The following ARHGEF3 variants were observed in gnomAD, a reference collection of about 807,000 sequenced individuals.
ARHGEF3 encodes the protein Rho guanine nucleotide exchange factor 3, also known as 59.8 kDA protein.
In ARHGEF3, 28 loss-of-function variants were observed where a neutral mutation model predicts 63.2. The observed-to-expected ratio is 0.44, with a 90% CI of 0.33 to 0.61. The LOEUF (loss-of-function observed/expected upper bound fraction) is 0.61. Ranked by LOEUF, ARHGEF3 falls within the 20% of genes least tolerant of loss-of-function variation. ARHGEF3 has a pLI of 0.03. For synonymous variants in ARHGEF3, 266 were observed against 254.2 expected (o/e 1.05, Z -0.44); for missense variants, 533 against 659.3 (o/e 0.81, Z 2.10).
intron 2 of ARHGEF3, among the ~76,000 whole-genome samples, chr3:57,004,141 T>TGCCCTCA (rs1474013380): frequency 2.6e-5 from 4 of 152,044 alleles, no homozygotes; most frequent in African/African-American, 9.7e-5. Context: ...CCCAGTGAGG[T>TGCCCTCA]GCTGTGCGAA....
At chr3:56,989,907 A>C (rs945803713) in intron 2 of ARHGEF3, among the ~76,000 whole-genome samples, 5 of 152,224 alleles carry the variant, frequency 3.3e-5, no homozygotes, top group Non-Finnish European at 5.9e-5. Context: ...GGGAGCCGCT[A>C]TTTACCAAAG....
At chr3:56,881,790 G>A (rs566449154) in intron 4 of ARHGEF3, among the ~76,000 whole-genome samples, 16 of 152,300 alleles carry the variant, frequency 1.1e-4, no homozygotes, top group Non-Finnish European at 2.2e-4. Context: ...TCCAGATGAG[G>A]AAACTGGTAA....
intron 8 of ARHGEF3, 80 bp from the exon 9 acceptor site, chr3:56,732,504 G>C: frequency 2.7e-6 from 4 of 1,496,240 alleles, no homozygotes; most frequent in Non-Finnish European, 3.7e-6. Flanking sequence ...TGGATAAAGA[G>C]GTCCCCAGGT....
chr3:57,065,465 CA>C (rs569274829), intron 1 of ARHGEF3, among the ~76,000 whole-genome samples: 5 of 138,332 alleles, frequency 3.6e-5, no homozygotes, highest in African/African-American at 5.4e-5. Context: ...CATCACAAAA[CA>C]AAAAAAAAAG....
chr3:56,782,848 G>A (rs1294840404), intron 1 of ARHGEF3, among the ~76,000 whole-genome samples: 1 of 152,196 alleles, frequency 6.6e-6, no homozygotes. Flanking sequence ...CAGATGATGA[G>A]AGAAGTCGCA....
chr3:57,002,128 G>A (rs1702221307), intron 2 of ARHGEF3, among the ~76,000 whole-genome samples: 1 of 151,300 alleles, frequency 6.6e-6, no homozygotes, highest in African/African-American at 2.4e-5. Context: ...TTTCACCATG[G>A]TCTCGATCTC....
intron 6 of ARHGEF3, among the ~76,000 whole-genome samples, chr3:56,750,414 G>A (rs1413040777): frequency 6.6e-6 from 1 of 152,042 alleles, no homozygotes; most frequent in Admixed American, 6.6e-5. Context: ...ATTTAATTAG[G>A]AAAAGGAATG....
At chr3:56,748,345 T>C (rs1230172037) in intron 6 of ARHGEF3, among the ~76,000 whole-genome samples, 3 of 152,144 alleles carry the variant, frequency 2.0e-5, no homozygotes, top group Non-Finnish European at 2.9e-5. Context: ...AATATTTTTA[T>C]TGAAGAAACT....
intron 4 of ARHGEF3, among the ~76,000 whole-genome samples, chr3:56,859,529 G>A (rs1321042995): frequency 6.7e-6 from 1 of 150,118 alleles, no homozygotes; most frequent in Non-Finnish European, 1.5e-5. Flanking sequence ...CACCCCCTTG[G>A]TACACCTTTT....
At chr3:56,958,299 A>C (rs1170988416) in intron 3 of ARHGEF3, among the ~76,000 whole-genome samples, 2 of 151,330 alleles carry the variant, frequency 1.3e-5, no homozygotes, top group Non-Finnish European at 2.9e-5. Context: ...ATGTCAGCAG[A>C]AGCTTACTGG....
intron 3 of ARHGEF3, among the ~76,000 whole-genome samples, chr3:56,930,043 C>T (rs1325928130): frequency 7.3e-6 from 1 of 137,816 alleles, no homozygotes; most frequent in African/African-American, 2.4e-5. Context: ...GGTCAACTAC[C>T]AGCCCCCCCC....
chr3:56,945,933 C>T (rs1699472151), intron 3 of ARHGEF3, among the ~76,000 whole-genome samples: 1 of 152,160 alleles, frequency 6.6e-6, no homozygotes, highest in African/African-American at 2.4e-5. Flanking sequence ...GACAAAACTT[C>T]CAGAGGAACG....
At chr3:57,004,148 C>T (rs1164968238) in intron 2 of ARHGEF3, among the ~76,000 whole-genome samples, 2 of 152,146 alleles carry the variant, frequency 1.3e-5, no homozygotes, top group Non-Finnish European at 1.5e-5. Context: ...AGGTGCTGTG[C>T]GAACCTGAGG....
At chr3:56,730,172 C>T (rs2033033600) in intron 9 of ARHGEF3, among the ~76,000 whole-genome samples, 3 of 152,078 alleles carry the variant, frequency 2.0e-5, no homozygotes, top group Admixed American at 2.0e-4. Flanking sequence ...CAAGCTGGAG[C>T]TTTTTTCAGT....
intron 2 of ARHGEF3, among the ~76,000 whole-genome samples, chr3:57,020,737 G>C (rs1229028276): frequency 6.6e-6 from 1 of 152,192 alleles, no homozygotes; most frequent in Non-Finnish European, 1.5e-5. Context: ...TCGACACTGA[G>C]CCCCTGGATC....
chr3:56,983,459 C>A (rs542498477), intron 2 of ARHGEF3, among the ~76,000 whole-genome samples: 11 of 152,328 alleles, frequency 7.2e-5, no homozygotes, highest in African/African-American at 2.6e-4. Flanking sequence ...TGGTGTATAT[C>A]CTTTCAGACT....
rs138914444 is a variant in ARHGEF3 at position 56,894,171 on chromosome 3, C to T, written c.130-11817G>A. Among the ~76,000 whole-genome samples the T allele has an allele frequency of 3.5e-3, 527 of 152,280 alleles. 2 individuals carry two copies. The highest frequency in any genetic ancestry group is 0.012 in the African/African-American group (508 of 41,556). Reference sequence around the variant, plus strand: ...GGCTGGCAGATAAATAATCCAGCTTCTGACAGTTTGGTGGGACAACTCTGA... The same window carrying T: ...GGCTGGCAGATAAATAATCCAGCTTTTGACAGTTTGGTGGGACAACTCTGA... On this transcript the variant is annotated intron_variant, in intron 3 of 12. Transcript: ENST00000338458.
intron 2 of ARHGEF3, among the ~76,000 whole-genome samples, chr3:56,989,763 A>G (rs1701677873): frequency 6.6e-6 from 1 of 152,124 alleles, no homozygotes; most frequent in Admixed American, 6.5e-5. Context: ...AGTGAGTTCT[A>G]ACTCTCCTGG....
intron 4 of ARHGEF3, among the ~76,000 whole-genome samples, chr3:56,857,398 C>T (rs1423632154): frequency 6.6e-6 from 1 of 152,168 alleles, no homozygotes; most frequent in Non-Finnish European, 1.5e-5. Flanking sequence ...TACCCAATCA[C>T]ACTAAAGGGA....
Sources: allele counts gnomAD v4.1 joint callset (sites outside exome capture counted in the v4.1 genomes callset), GRCh38; gene constraint gnomAD v4.1.1; transcripts MANE v1.5; gene names NCBI Gene and HGNC (gene_info 2026-07-23, HGNC 2026-07-21).